TENT4A: variants seen among roughly 807,000 people sequenced by gnomAD.
The protein encoded by TENT4A is DNA polymerase kappa.
In TENT4A, 7 loss-of-function variants were observed where a neutral mutation model predicts 72.8. The observed-to-expected ratio is 0.10, with a 90% CI of 0.05 to 0.18. TENT4A has a LOEUF of 0.18. Ranked by LOEUF, TENT4A falls within the 10% of genes least tolerant of loss-of-function variation. The pLI is 1.00. For synonymous variants in TENT4A, 456 were observed against 434.3 expected, an observed-to-expected ratio of 1.05 and a Z score of -0.62; for missense variants, 831 against 1,017.7, an observed-to-expected ratio of 0.82 and a Z score of 2.50.
rs116711598 is a variant in TENT4A, at chr5:6,739,712, C to T, written c.888-20C>T. The T allele has an allele frequency of 0.025, 40,512 of 1,612,992 alleles. 557 individuals carry two copies. The highest frequency in any genetic ancestry group is 0.029 in the Non-Finnish European group (33,949 of 1,179,142). On this transcript the variant is annotated intron_variant, in intron 3 of 12. Transcript: ENST00000230859. ...CTGTGGCGAGGGGAGCAGTGGCTGA[C>T]GTGCGTTTTCTTCTGTCAGCGACAT... is the stretch of plus-strand genomic sequence containing the variant.
intron 1 of TENT4A, among the ~76,000 whole-genome samples, chr5:6,723,995 C>T (rs1425517554): frequency 6.6e-6 from 1 of 152,236 alleles, no homozygotes; most frequent in African/African-American, 2.4e-5. Flanking sequence ...AGTTGAAAGA[C>T]AAGGCAGGAC....
Position 6,746,434 on chromosome 5 carries a change from G to T in TENT4A, c.1459+7G>T. ...GAGGACCCCCTGCTGCCAGGTAAGG[G>T]CGCCCTGATCTCCACTGCTGAGAGC... On this transcript the variant is annotated splice_region_variant and intron_variant, in intron 7 of 12. Transcript: ENST00000230859. 1.9e-6 allele frequency: 3 copies of T among 1,613,820 alleles called. No homozygotes were observed. Among genetic ancestry groups the T allele is most frequent in the Non-Finnish European group, 2.5e-6 (3 of 1,179,846 alleles).
At chr5:6,716,123 C>T (rs1013443954) in intron 1 of TENT4A, among the ~76,000 whole-genome samples, 3 of 152,156 alleles carry the variant, frequency 2.0e-5, no homozygotes, top group Admixed American at 6.5e-5. Context: ...AAAGTGGTAG[C>T]GCATCAGGTC....
intron 8 of TENT4A, among the ~76,000 whole-genome samples, chr5:6,749,276 G>A (rs149286568): frequency 8.7e-4 from 132 of 152,302 alleles, no homozygotes; most frequent in African/African-American, 2.9e-3. Flanking sequence ...GAAGTGAAAT[G>A]TCAGCACTGT....
intron 1 of TENT4A, among the ~76,000 whole-genome samples, chr5:6,716,465 A>G (rs1740394702): frequency 6.6e-6 from 1 of 152,100 alleles, no homozygotes; most frequent in Non-Finnish European, 1.5e-5. Context: ...ATCCTCCCTC[A>G]TGCAGGCTCT....
chr5:6,723,969 T>C (rs998973207), intron 1 of TENT4A, among the ~76,000 whole-genome samples: 3 of 152,244 alleles, frequency 2.0e-5, no homozygotes, highest in African/African-American at 7.2e-5. Flanking sequence ...GTTTACTCGC[T>C]GTTTCATCTG....
intron 4 of TENT4A, among the ~76,000 whole-genome samples, 185 bp downstream of exon 4, chr5:6,740,037 A>G (rs1036726803): frequency 2.6e-5 from 4 of 152,228 alleles, no homozygotes; most frequent in African/African-American, 7.2e-5. Flanking sequence ...GTGATCACCA[A>G]CTGAGAACAT....
Position 6,752,886 on chromosome 5 carries a change from T to G in TENT4A, c.2033T>G (p.Ile678Arg), listed in dbSNP as rs1488895147. 3.7e-6 allele frequency: 6 copies of G among 1,613,954 alleles called. No homozygotes were observed. The highest frequency in any genetic ancestry group is 4.2e-6 in the Non-Finnish European group (5 of 1,179,818). Reference sequence around the variant, plus strand: ...TTTTGTTCCTAGACCAGGTTTACTATACCTCCACCGACCCTAGGGGTTGCT... The same window carrying G: ...TTTTGTTCCTAGACCAGGTTTACTAGACCTCCACCGACCCTAGGGGTTGCT... The part of the protein sequence containing the change: ...MTTNNQTRFT[I>R]PPPTLGVAPV... The change falls in exon 12 of 13, where the codon ATA becomes AGA. Residue 678 changes from isoleucine (I) to arginine (R), a missense_variant. Around this residue, in one of 3 missense-constraint regions of TENT4A, gnomAD observed 332 missense variants for 324.3 expected, o/e 1.02. Coordinates refer to ENST00000230859, the MANE Select transcript of TENT4A (RefSeq NM_006999.6).
intron 1 of TENT4A, among the ~76,000 whole-genome samples, chr5:6,730,085 T>A (rs564470217): frequency 4.4e-5 from 5 of 113,924 alleles, no homozygotes; most frequent in Non-Finnish European, 1.0e-4. Context: ...GAAGATAATG[T>A]TGTTTCTCCG....
In TENT4A at chr5:6,724,828, T is replaced by C. The variant is rs555985717; in HGVS notation, c.716+10129T>C. 1.1e-4 allele frequency among the ~76,000 whole-genome samples: 17 copies of C among 152,332 alleles called. No individual in the cohort carries two copies. In the South Asian group the frequency reaches 3.5e-3, roughly 32 times the overall value. The stretch of plus-strand genomic sequence containing the variant: ...GCCACAGTAGTAATCACCACTGGCC[T>C]GACTGAGCCCTCACCCTTTATACAG... On this transcript the variant is annotated intron_variant, in intron 1 of 12. Coordinates refer to ENST00000230859, the MANE Select transcript of TENT4A (RefSeq NM_006999.6).
intron 1 of TENT4A, among the ~76,000 whole-genome samples, chr5:6,732,651 C>T (rs1414197129): frequency 4.6e-5 from 7 of 152,178 alleles, no homozygotes; most frequent in Non-Finnish European, 1.0e-4. Flanking sequence ...GAACTTTATT[C>T]TCTAATTTTT....
chr5:6,741,369 C>T (rs542316726), intron 4 of TENT4A, among the ~76,000 whole-genome samples: 22 of 152,252 alleles, frequency 1.4e-4, no homozygotes, highest in African/African-American at 5.3e-4. Context: ...AGTGTTAACT[C>T]CTCACCTCCA....
chr5:6,738,655 A>G, intron 2 of TENT4A, 28 bp from the exon 3 acceptor site: 2 of 1,589,902 alleles, frequency 1.3e-6, no homozygotes, highest in South Asian at 1.1e-5. Context: ...TGTGGTATAC[A>G]TTTTAAGGCA....
At chr5:6,722,840 A>G (rs6882542) in intron 1 of TENT4A, among the ~76,000 whole-genome samples, 28,811 of 152,262 alleles carry the variant, frequency 0.19, 2,949 homozygotes, top group Non-Finnish European at 0.23. Context: ...GTAGGCAACT[A>G]GAACAGCACT....
Position 6,721,868 on chromosome 5 carries a change from A to G in TENT4A, c.716+7169A>G, listed in dbSNP as rs552186285. On this transcript the variant is annotated intron_variant, in intron 1 of 12. Coordinates refer to ENST00000230859, the MANE Select transcript of TENT4A (RefSeq NM_006999.6). ...TCTCCTGTGGCTTCAGATTGGAGTT[A>G]GTTTCCCAAGTGCTAGGATGTGGGT... 9.2e-5 allele frequency among the ~76,000 whole-genome samples: 14 copies of G among 152,250 alleles called. 1 individual carries two copies. The South Asian group carries it at 2.5e-3, about 27-fold the overall frequency.
chr5:6,755,100 G>A lies in TENT4A; in HGVS notation c.*155G>A, dbSNP rs746833521. Reference sequence around the variant, plus strand: ...CTGCATGTTTCTTCGTGTGGTGGTCGCGTCCATCTTCAAGAACAGCTCGTT... The same window carrying A: ...CTGCATGTTTCTTCGTGTGGTGGTCACGTCCATCTTCAAGAACAGCTCGTT... On this transcript the variant is annotated 3_prime_UTR_variant, in exon 13 of 13. Coordinates refer to ENST00000230859, the MANE Select transcript of TENT4A (RefSeq NM_006999.6). 288 of 564,724 alleles carry A rather than the reference G, an allele frequency of 5.1e-4. No individual in the cohort carries two copies. Among genetic ancestry groups the A allele is most frequent in the Non-Finnish European group, 6.7e-4 (225 of 335,164 alleles). 35.0% of individuals were successfully genotyped at this position (564,724 alleles called of 1,614,324 possible).
Position 6,740,919 on chromosome 5 carries a change from A to T in TENT4A, c.1008+1067A>T, listed in dbSNP as rs776612646. On this transcript the variant is annotated intron_variant, in intron 4 of 12. Transcript: ENST00000230859. ...GATGCTGTTGCTGTTCACATTTTAC[A>T]GGTGAGGAAACTGAGATGCGGAGAG... Among the ~76,000 whole-genome samples, 18 of 152,212 alleles carry T rather than the reference A, an allele frequency of 1.2e-4. 1 individual carries two copies. Among genetic ancestry groups the T allele is most frequent in the Non-Finnish European group, 2.2e-4 (15 of 68,040 alleles).
intron 1 of TENT4A, among the ~76,000 whole-genome samples, chr5:6,736,075 A>G (rs1034815539): frequency 2.6e-5 from 4 of 152,188 alleles, no homozygotes. Context: ...ATTTTTTTAA[A>G]TTAAATGTGA....
intron 1 of TENT4A, among the ~76,000 whole-genome samples, chr5:6,726,447 C>T (rs962310797): frequency 4.6e-5 from 7 of 152,176 alleles, no homozygotes; most frequent in African/African-American, 1.7e-4. Context: ...CCCTGCGTTG[C>T]CTCTGGTCAG....
Sources: allele counts gnomAD v4.1 joint callset (sites outside exome capture counted in the v4.1 genomes callset), GRCh38; gene constraint gnomAD v4.1.1; regional missense constraint gnomAD v4.1.1; transcripts MANE v1.5; gene names NCBI Gene and HGNC (gene_info 2026-07-23, HGNC 2026-07-21).